PCDHA3: variants seen among roughly 807,000 people sequenced by gnomAD.
The protein encoded by PCDHA3 is protocadherin alpha 3, also known as protocadherin alpha-3.
A neutral mutation model predicts 62.2 loss-of-function variants in PCDHA3; 41 were observed. The observed-to-expected ratio is 0.66, with a 90% CI of 0.51 to 0.86. PCDHA3 has a LOEUF of 0.86. Among genes scored for constraint, PCDHA3 ranks in the 40% least tolerant of loss-of-function variants. PCDHA3 has a pLI of 0.00. For synonymous variants in PCDHA3, 640 were observed against 555.4 expected, an observed-to-expected ratio of 1.15 and a Z score of -2.14; for missense variants, 1,304 against 1,241.2, an observed-to-expected ratio of 1.05 and a Z score of -0.76.
At chr5:140,946,631 T>TATATATATATACACACAC (rs57893927) in intron 1 of PCDHA3, among the ~76,000 whole-genome samples, 1 of 131,846 alleles carries the variant, frequency 7.6e-6, no homozygotes, top group East Asian at 2.0e-4. Context: ...TATATATATA[T>TATATATATATACACACAC]ACAATGGAAT....
chr5:140,835,493 A>T (rs147393584), intron 1 of PCDHA3: 3 of 1,613,914 alleles, frequency 1.9e-6, no homozygotes, highest in African/African-American at 1.3e-5. Context: ...CCGTCATCAC[A>T]TTGATTAGCG....
intron 1 of PCDHA3, among the ~76,000 whole-genome samples, chr5:140,855,631 C>T (rs1193422916): frequency 1.3e-5 from 2 of 149,640 alleles, no homozygotes; most frequent in African/African-American, 4.9e-5. Flanking sequence ...TGAAATTCGG[C>T]TATTGATAAT....
chr5:140,993,087 G>T (rs1476981409), intron 3 of PCDHA3, among the ~76,000 whole-genome samples: 2 of 152,188 alleles, frequency 1.3e-5, no homozygotes, highest in African/African-American at 4.8e-5. Flanking sequence ...AATCAGCAGG[G>T]CTATGTTTAT....
intron 1 of PCDHA3, among the ~76,000 whole-genome samples, chr5:140,921,467 A>G (rs1287124986): frequency 1.3e-5 from 2 of 152,204 alleles, no homozygotes; most frequent in East Asian, 1.9e-4. Flanking sequence ...TGCAACCACT[A>G]CCAAACCACT....
intron 1 of PCDHA3, among the ~76,000 whole-genome samples, chr5:140,936,121 G>C (rs1381895785): frequency 6.6e-6 from 1 of 152,068 alleles, no homozygotes; most frequent in Non-Finnish European, 1.5e-5. Flanking sequence ...TCGAACTCCT[G>C]ACCTTAAGTG....
rs1769616789 is a variant in PCDHA3, at chr5:140,828,216, G to A, written c.2394+24625G>A. ...TCCGTACCCGAGGAGGCCAAACACG[G>A]CACCTTCGTGGGCCGGATCGCGCAG... On this transcript the variant is annotated intron_variant, in intron 1 of 3. Transcript: ENST00000522353. The A allele has an allele frequency of 3.1e-6, 5 of 1,614,022 alleles. No individual in the cohort carries two copies. The East Asian group carries it at 1.1e-4, about 36-fold the overall frequency.
intron 3 of PCDHA3, among the ~76,000 whole-genome samples, chr5:140,989,698 A>G (rs145222021): frequency 6.6e-6 from 1 of 152,344 alleles, no homozygotes; most frequent in African/African-American, 2.4e-5. Flanking sequence ...TGAAAATTTT[A>G]TCTTCAGAGG....
At chr5:140,836,250 C>T (rs1554135772) in intron 1 of PCDHA3, 18 of 1,613,676 alleles carry the variant, frequency 1.1e-5, no homozygotes, top group Non-Finnish European at 1.4e-5. Context: ...CATCCCGTTC[C>T]GCGTGGGGCT....
rs114972611 is a variant in PCDHA3, at chr5:140,834,172, G to T, written c.2394+30581G>T. The T allele has an allele frequency of 2.1e-3, 1,163 of 551,264 alleles. 13 individuals carry two copies. Among genetic ancestry groups the T allele is most frequent in the African/African-American group, 0.016 (867 of 53,444 alleles). The allele number at this position is 551,264 out of a possible 1,614,324, so 34.1% of individuals were successfully genotyped here. ...AATGGTTTGTAATTCTTACTTACAT[G>T]ATGGCCACATGATGTCGCTCTTTAC... On this transcript the variant is annotated intron_variant, in intron 1 of 3. Transcript: ENST00000522353.
In PCDHA3 at chr5:140,841,904, G is replaced by C. The variant is rs2150325203; in HGVS notation, c.2394+38313G>C. On this transcript the variant is annotated intron_variant, in intron 1 of 3. Coordinates refer to ENST00000522353, the MANE Select transcript of PCDHA3 (RefSeq NM_018906.3). ...CGATGAGAATAAACTGGTTGAGCTCGTATTAAGAAAATCCTTGGACAGAGA... is the reference window on the plus strand; with the variant it reads ...CGATGAGAATAAACTGGTTGAGCTCCTATTAAGAAAATCCTTGGACAGAGA... 40 of 1,613,742 alleles carry C rather than the reference G, an allele frequency of 2.5e-5. 1 individual carries two copies. Among genetic ancestry groups the C allele is most frequent in the Non-Finnish European group, 3.2e-5 (38 of 1,179,858 alleles).
At chr5:140,956,784 G>T (rs549737881) in intron 1 of PCDHA3, among the ~76,000 whole-genome samples, 373 of 152,090 alleles carry the variant, frequency 2.5e-3, no homozygotes, top group Non-Finnish European at 3.7e-3. Flanking sequence ...CCTGGGCTTT[G>T]TTTGCTTGGT....
At position 140,850,724 on chromosome 5, in the gene PCDHA3, C is replaced by A. The variant is rs2150495935; in HGVS notation, c.2394+47133C>A. On this transcript the variant is annotated intron_variant, in intron 1 of 3. Coordinates refer to ENST00000522353, the MANE Select transcript of PCDHA3 (RefSeq NM_018906.3). ...GCAAGCCGACGCTGGTGTGTTCTAG[C>A]GCGGTGGGGAGTTGGTCGTACTCGC... The A allele has an allele frequency of 5.0e-6, 8 of 1,597,668 alleles. No individual in the cohort carries two copies. In the East Asian group the frequency reaches 1.1e-4, roughly 22 times the overall value.
At chr5:140,808,604 C>T (rs1764214382) in intron 1 of PCDHA3, 2 of 1,613,764 alleles carry the variant, frequency 1.2e-6, no homozygotes, top group African/African-American at 2.7e-5. Flanking sequence ...GCCGGGCTGC[C>T]ACATCTTCAC....
At chr5:140,933,351 T>C (rs2089082227) in intron 1 of PCDHA3, among the ~76,000 whole-genome samples, 1 of 152,024 alleles carries the variant, frequency 6.6e-6, no homozygotes, top group South Asian at 2.1e-4. Flanking sequence ...AAACACTTTA[T>C]TTCTAACCCA....
chr5:140,950,874 G>C (rs1237864508), intron 1 of PCDHA3, among the ~76,000 whole-genome samples: 20 of 151,700 alleles, frequency 1.3e-4, no homozygotes, highest in African/African-American at 4.8e-4. Flanking sequence ...ATTCTATATT[G>C]TTCAATAGGT....
Position 140,801,666 on chromosome 5 carries a change from G to T in PCDHA3, c.469G>T (p.Ala157Ser). Reference sequence around the variant, plus strand: ...TGGCTCTCGGTTTTCGCTAGAGGGCGCATCAGATGCAGATATCGGAACAAA... The same window carrying T: ...TGGCTCTCGGTTTTCGCTAGAGGGCTCATCAGATGCAGATATCGGAACAAA... ...QPGSRFSLEG[A>S]SDADIGTNSL... Residue 157 changes from alanine to serine, a missense_variant, in exon 1 of 4, where the codon GCA becomes TCA. Ala to Ser is a moderately conservative substitution (Grantham distance 99). Transcript: ENST00000522353. 2.5e-6 allele frequency: 4 copies of T among 1,614,152 alleles called. No homozygotes were observed. The highest frequency in any genetic ancestry group is 1.7e-6 in the Non-Finnish European group (2 of 1,180,022).
intron 1 of PCDHA3, among the ~76,000 whole-genome samples, chr5:140,806,447 A>G (rs531221120): frequency 4.4e-4 from 67 of 152,310 alleles, no homozygotes; most frequent in Middle Eastern, 6.8e-3. Context: ...CATGCAAGCT[A>G]TTTGCTATAA....
intron 1 of PCDHA3, chr5:140,842,226 T>G (rs2150332205): frequency 6.2e-7 from 1 of 1,612,936 alleles, no homozygotes; most frequent in Non-Finnish European, 8.5e-7. Context: ...ACGGGAGAAA[T>G]AGTGATTCGG....
chr5:140,925,917 A>T (rs1480980894), intron 1 of PCDHA3, among the ~76,000 whole-genome samples: 1 of 151,098 alleles, frequency 6.6e-6, no homozygotes, highest in African/African-American at 2.5e-5. Context: ...CCGTTTGCAA[A>T]GCACTCCCAA....
Sources: allele counts gnomAD v4.1 joint callset (sites outside exome capture counted in the v4.1 genomes callset), GRCh38; gene constraint gnomAD v4.1.1; transcripts MANE v1.5; gene names NCBI Gene and HGNC (gene_info 2026-07-23, HGNC 2026-07-21).